CACNA2D3: variants seen among roughly 807,000 people sequenced by gnomAD.
CACNA2D3 encodes the protein calcium voltage-gated channel auxiliary subunit alpha2delta 3.
CACNA2D3 carries 60 observed loss-of-function variants against 160.6 expected under a neutral mutation model. That is an observed-to-expected ratio of 0.37 (90% CI 0.30 to 0.46). The LOEUF is 0.46. Among genes scored for constraint, CACNA2D3 ranks in the 20% least tolerant of loss-of-function variants. The pLI, the probability that CACNA2D3 is intolerant of heterozygous loss-of-function variation, is 1.00. For synonymous variants in CACNA2D3, 558 were observed against 492.9 expected (o/e 1.13, Z -1.75); for missense variants, 1,205 against 1,365.0 (o/e 0.88, Z 1.85).
At chr3:54,553,285 T>A (rs1331932189) in intron 5 of CACNA2D3, among the ~76,000 whole-genome samples, 2 of 152,236 alleles carry the variant, frequency 1.3e-5, no homozygotes, top group Admixed American at 1.3e-4. Flanking sequence ...TAATCTATGA[T>A]CTACTTAGAA....
chr3:55,073,773 C>A lies in CACNA2D3; in HGVS notation c.3101-4C>A. 3.1e-6 allele frequency: 5 copies of A among 1,611,452 alleles called. No homozygotes were observed. The highest frequency in any genetic ancestry group is 4.2e-6 in the Non-Finnish European group (5 of 1,177,958). On this transcript the variant is annotated splice_region_variant and splice_polypyrimidine_tract_variant and intron_variant, in intron 36 of 37. Transcript: ENST00000474759. ...CTTGGAAACATGCCTTAACTACAGT[C>A]AACATAATGAATCCCTTAAGTGTGA...
At chr3:54,669,010 T>C (rs1700114641) in intron 11 of CACNA2D3, among the ~76,000 whole-genome samples, 1 of 152,246 alleles carries the variant, frequency 6.6e-6, no homozygotes, top group African/African-American at 2.4e-5. Context: ...CATGGGATTA[T>C]ATTCCTTTTC....
chr3:54,820,507 C>A (rs756364735), intron 14 of CACNA2D3, among the ~76,000 whole-genome samples: 2 of 152,090 alleles, frequency 1.3e-5, no homozygotes, highest in Admixed American at 6.5e-5. Flanking sequence ...AATTTCAAGC[C>A]TTGATATAAA....
chr3:54,472,937 C>T (rs758461538), intron 4 of CACNA2D3, among the ~76,000 whole-genome samples: 10 of 152,182 alleles, frequency 6.6e-5, no homozygotes, highest in Non-Finnish European at 1.0e-4. Context: ...GAATCAGTAT[C>T]GTGAAAACGG....
chr3:54,285,476 C>T (rs1392682815), intron 2 of CACNA2D3, among the ~76,000 whole-genome samples: 2 of 152,208 alleles, frequency 1.3e-5, no homozygotes, highest in Non-Finnish European at 2.9e-5. Context: ...GGAGGCCTGC[C>T]TGCCTCTGTA....
At chr3:54,722,407 C>A (rs537898963) in intron 11 of CACNA2D3, among the ~76,000 whole-genome samples, 1 of 152,334 alleles carries the variant, frequency 6.6e-6, no homozygotes, top group East Asian at 1.9e-4. Flanking sequence ...AAGCCTACTT[C>A]TGTCAATTTG....
rs759279038 is a variant in CACNA2D3 at position 54,267,702 on chromosome 3, A to G, written c.205-52740A>G. Among the ~76,000 whole-genome samples the G allele has an allele frequency of 2.3e-4, 35 of 152,216 alleles. 1 individual carries two copies. The highest frequency in any genetic ancestry group is 4.1e-4 in the Non-Finnish European group (28 of 68,032). On this transcript the variant is annotated intron_variant, in intron 2 of 37. Coordinates refer to ENST00000474759, the MANE Select transcript of CACNA2D3 (RefSeq NM_018398.3). ...GTTTTAAGCTTTTCTTGTGCTATAT[A>G]TGACTGAAAACTTAGAAGATGTTTC... is the stretch of plus-strand genomic sequence containing the variant.
intron 37 of CACNA2D3, 110 bp from the exon 38 acceptor site, chr3:55,074,004 G>C: frequency 9.0e-7 from 1 of 1,105,288 alleles, no homozygotes; most frequent in South Asian, 1.3e-5. Flanking sequence ...CCATCATCTA[G>C]GTCCCAGAAG....
At chr3:54,501,478 C>A (rs184031243) in intron 4 of CACNA2D3, among the ~76,000 whole-genome samples, 99 of 149,916 alleles carry the variant, frequency 6.6e-4, no homozygotes, top group African/African-American at 2.2e-3. Context: ...ACAATCATGA[C>A]TCACTGCAGC....
rs1553731355 is a variant in CACNA2D3, at chr3:54,141,094, C to CGCACGT, written c.204+17502_204+17503insACGTGC. Among the ~76,000 whole-genome samples the CGCACGT allele has an allele frequency of 1.9e-3, 158 of 81,974 alleles. 3 individuals carry two copies. Among genetic ancestry groups the CGCACGT allele is most frequent in the African/African-American group, 5.0e-3 (132 of 26,260 alleles). The allele number at this position is 81,974 out of a possible 152,430, so 53.8% of individuals were successfully genotyped here. On this transcript the variant is annotated intron_variant, in intron 2 of 37. Transcript: ENST00000474759. ...GTGTGTGTGTGTGTGTGTGCGCGCG[C>CGCACGT]GCGCGTGTGTGCATGCATGCCTGAG...
intron 2 of CACNA2D3, among the ~76,000 whole-genome samples, chr3:54,269,843 A>G (rs1368731104): frequency 6.6e-6 from 1 of 152,240 alleles, no homozygotes; most frequent in East Asian, 1.9e-4. Flanking sequence ...TTGATTGATC[A>G]AAGACACTTA....
intron 9 of CACNA2D3, among the ~76,000 whole-genome samples, chr3:54,588,370 CA>C (rs2106751341): frequency 6.6e-6 from 1 of 152,252 alleles, no homozygotes; most frequent in Admixed American, 6.5e-5. Context: ...TCAAACTTAA[CA>C]GGGAAAGTTT....
intron 27 of CACNA2D3, among the ~76,000 whole-genome samples, chr3:54,913,226 G>A (rs1700594959): frequency 6.6e-6 from 1 of 152,134 alleles, no homozygotes; most frequent in African/African-American, 2.4e-5. Context: ...GGGATCATAG[G>A]CATGTGCCAC....
intron 4 of CACNA2D3, among the ~76,000 whole-genome samples, chr3:54,476,810 C>T (rs887430799): frequency 4.6e-5 from 7 of 152,026 alleles, no homozygotes; most frequent in East Asian, 1.9e-4. Context: ...GGGTATTAAC[C>T]CCTTATTGAA....
At chr3:54,494,803 G>A (rs1003593946) in intron 4 of CACNA2D3, among the ~76,000 whole-genome samples, 1 of 152,114 alleles carries the variant, frequency 6.6e-6, no homozygotes, top group African/African-American at 2.4e-5. Flanking sequence ...GGGGAAGCAG[G>A]CCTGTCTTAC....
At chr3:55,023,996 G>A (rs960869278) in intron 35 of CACNA2D3, among the ~76,000 whole-genome samples, 2 of 130,220 alleles carry the variant, frequency 1.5e-5, no homozygotes, top group African/African-American at 5.9e-5. Context: ...ATTTCATCTA[G>A]TGTGTCTGAG....
intron 19 of CACNA2D3, 103 bp downstream of exon 19, chr3:54,879,192 AT>A: frequency 5.6e-6 from 5 of 889,898 alleles, no homozygotes; most frequent in Non-Finnish European, 6.9e-6. Context: ...CGCTGAGATC[AT>A]TTTTCTCTTG....
intron 4 of CACNA2D3, among the ~76,000 whole-genome samples, chr3:54,462,709 T>C (rs561730061): frequency 2.0e-5 from 3 of 152,346 alleles, no homozygotes; most frequent in African/African-American, 7.2e-5. Flanking sequence ...AGCACACTGA[T>C]GGGTCTTGAC....
intron 2 of CACNA2D3, among the ~76,000 whole-genome samples, chr3:54,224,248 A>G (rs1701627377): frequency 6.6e-6 from 1 of 151,628 alleles, no homozygotes; most frequent in African/African-American, 2.4e-5. Context: ...TACCTCCTGA[A>G]GGACGTGCCT....
Sources: gnomAD v4.1 joint callset for allele counts (sites outside exome capture counted in the v4.1 genomes callset) on GRCh38, gnomAD v4.1.1 for gene constraint, MANE v1.5 for transcripts, NCBI Gene and HGNC (gene_info 2026-07-23, HGNC 2026-07-21) for gene names.